MYSM1: variants seen among roughly 807,000 people sequenced by gnomAD.
The protein encoded by MYSM1 is deubiquitinase MYSM1.
Under a neutral mutation model 116.0 loss-of-function variants are expected in MYSM1, and 51 were observed. The ratio of observed to expected loss-of-function variants is 0.44; its 90% confidence interval spans 0.35 to 0.56. MYSM1 has a LOEUF of 0.56. Ranked by LOEUF, MYSM1 falls within the 20% of genes least tolerant of loss-of-function variation. The pLI, the probability that MYSM1 is intolerant of heterozygous loss-of-function variation, is 0.00. For synonymous variants in MYSM1, 313 were observed against 315.2 expected (o/e 0.99, Z 0.07); for missense variants, 900 against 974.9 (o/e 0.92, Z 1.02).
At position 58,655,921 on chromosome 1, in the gene MYSM1, C is replaced by G. The variant is rs1355834058; in HGVS notation, c.*4076G>C. On this transcript the variant is annotated 3_prime_UTR_variant, in exon 20 of 20. Transcript: ENST00000472487. ...AAAAAAAAAATAAAATTTGGGCACC[C>G]TTACTGAATTTCTACTGAGAATTCC... 1 of 152,108 alleles carries G rather than the reference C, an allele frequency of 6.6e-6. No homozygotes were observed. The highest frequency in any genetic ancestry group is 6.6e-5 in the Admixed American group (1 of 15,264). 9.4% of individuals were successfully genotyped at this position (152,108 alleles called of 1,614,324 possible). A position where few individuals can be genotyped will look rare whatever the true frequency, so the allele number is the denominator to read the frequency against.
In MYSM1 at chr1:58,699,988, G is replaced by T; in HGVS notation, c.65C>A (p.Pro22Gln). 1 of 1,613,466 alleles carries T rather than the reference G, an allele frequency of 6.2e-7. No homozygotes were observed. ...AGACCCGGTCTCTAAGCCTCACCCT[G>T]GCTGTGCCCCCGCCGCCGCTACCAC... ...GDVVAAAGAQ[P>Q]GSGENTASVL... Residue 22 changes from proline (P) to glutamine (Q), a missense_variant, in exon 1 of 20, where the codon CCA becomes CAA. Pro to Gln is a moderately conservative substitution (Grantham distance 76). Coordinates refer to ENST00000472487, the MANE Select transcript of MYSM1 (RefSeq NM_001085487.3).
At chr1:58,698,103 T>TATATATATATA (rs1491530995) in intron 1 of MYSM1, among the ~76,000 whole-genome samples, 6 of 16,694 alleles carry the variant, frequency 3.6e-4, no homozygotes, top group Admixed American at 7.2e-4. Flanking sequence ...TATATATATA[T>TATATATATATA]TTTTTTTTTT....
At chr1:58,671,609 G>A (rs373167740) in intron 12 of MYSM1, among the ~76,000 whole-genome samples, 1 of 152,126 alleles carries the variant, frequency 6.6e-6, no homozygotes, top group Non-Finnish European at 1.5e-5. Flanking sequence ...AGCGTCTAGA[G>A]TTGAATGACC....
intron 19 of MYSM1, among the ~76,000 whole-genome samples, 191 bp from the exon 20 acceptor site, chr1:58,660,346 G>C (rs78751975): frequency 0.023 from 3,460 of 152,148 alleles, 128 homozygotes; most frequent in African/African-American, 0.08. Context: ...TTGCTGCTGA[G>C]GAACACTCAG....
intron 6 of MYSM1, among the ~76,000 whole-genome samples, chr1:58,688,200 C>T (rs1209546946): frequency 1.3e-5 from 2 of 151,644 alleles, no homozygotes; most frequent in African/African-American, 4.8e-5. Context: ...ATACAGTATA[C>T]AGATCTCATG....
intron 7 of MYSM1, among the ~76,000 whole-genome samples, chr1:58,684,145 C>CA (rs1644790491): frequency 6.6e-6 from 1 of 152,120 alleles, no homozygotes; most frequent in Admixed American, 6.5e-5. Context: ...TATGTCTAGA[C>CA]AACACCGAAA....
chr1:58,667,253 T>C, intron 15 of MYSM1, 27 bp from the exon 16 acceptor site: 2 of 1,420,344 alleles, frequency 1.4e-6, no homozygotes, highest in Non-Finnish European at 1.9e-6. Flanking sequence ...CTCAAATGAT[T>C]ATACTAAAAT....
intron 9 of MYSM1, 114 bp from the exon 10 acceptor site, chr1:58,675,694 A>G: frequency 2.9e-6 from 2 of 696,836 alleles, no homozygotes; most frequent in South Asian, 1.8e-5. Flanking sequence ...TTATTTCACG[A>G]TCATACATTT....
chr1:58,690,493 G>T, intron 3 of MYSM1, 76 bp from the exon 4 acceptor site: 1 of 991,434 alleles, frequency 1.0e-6, no homozygotes, highest in Non-Finnish European at 1.5e-6. Flanking sequence ...CAAAACGTGT[G>T]CTACATAAAT....
intron 8 of MYSM1, among the ~76,000 whole-genome samples, chr1:58,679,648 A>G (rs540058371): frequency 6.6e-6 from 1 of 152,270 alleles, no homozygotes; most frequent in African/African-American, 2.4e-5. Context: ...TTGTAGGGAC[A>G]GGGTCTTGCT....
intron 2 of MYSM1, among the ~76,000 whole-genome samples, chr1:58,694,601 CAA>C (rs1435225934): frequency 6.7e-6 from 1 of 148,506 alleles, no homozygotes; most frequent in East Asian, 2.0e-4. Flanking sequence ...AGCCTGGCGA[CAA>C]AGAGACTGCA....
At chr1:58,664,026 T>A (rs1644432454) in intron 17 of MYSM1, among the ~76,000 whole-genome samples, 1 of 152,200 alleles carries the variant, frequency 6.6e-6, no homozygotes, top group African/African-American at 2.4e-5. Context: ...TTTTTGGTAG[T>A]TTCAGACAAG....
intron 6 of MYSM1, among the ~76,000 whole-genome samples, chr1:58,685,676 C>G (rs1026034426): frequency 2.6e-5 from 4 of 152,132 alleles, no homozygotes; most frequent in African/African-American, 9.7e-5. Flanking sequence ...CTCAGATTCC[C>G]TATTTTGCAA....
rs374389099 is a variant in MYSM1, at chr1:58,698,084, C to CTATATATATATATATATATATATATA, written c.68+1900_68+1901insTATATATATATATATATATATATATA. On this transcript the variant is annotated intron_variant, in intron 1 of 19. Coordinates refer to ENST00000472487, the MANE Select transcript of MYSM1 (RefSeq NM_001085487.3). ...ACACCACTGGACACTATTTATCAGA[C>CTATATATATATATATATATATATATA]TATATATATATATATATATTTTTTT... Among the ~76,000 whole-genome samples, 13 of 31,400 alleles carry CTATATATATATATATATATATATATA rather than the reference C, an allele frequency of 4.1e-4. 3 individuals are homozygous for CTATATATATATATATATATATATATA. Among genetic ancestry groups the CTATATATATATATATATATATATATA allele is most frequent in the African/African-American group, 8.9e-4 (7 of 7,856 alleles). The allele number at this position is 31,400 out of a possible 152,430, so 20.6% of individuals were successfully genotyped here.
chr1:58,670,524 A>G (rs1644544298), intron 12 of MYSM1, among the ~76,000 whole-genome samples: 1 of 152,216 alleles, frequency 6.6e-6, no homozygotes, highest in Non-Finnish European at 1.5e-5. Context: ...TAAGTAAAAT[A>G]ATGAGTTCAT....
intron 8 of MYSM1, among the ~76,000 whole-genome samples, chr1:58,679,543 C>T (rs1428643027): frequency 6.6e-6 from 1 of 152,190 alleles, no homozygotes; most frequent in Non-Finnish European, 1.5e-5. Flanking sequence ...ACTGCAGCTT[C>T]AAACTCCTGG....
intron 9 of MYSM1, among the ~76,000 whole-genome samples, chr1:58,675,955 A>G (rs952070695): frequency 6.6e-6 from 1 of 152,216 alleles, no homozygotes; most frequent in Non-Finnish European, 1.5e-5. Flanking sequence ...GGCAAACTAA[A>G]TTCTATCTAG....
Position 58,661,112 on chromosome 1 carries a change from A to C in MYSM1, c.2328+58T>G, listed in dbSNP as rs1362337417. 2.4e-6 allele frequency: 3 copies of C among 1,264,128 alleles called. No homozygotes were observed. The African/African-American group carries it at 4.4e-5, about 19-fold the overall frequency. 78.3% of individuals were successfully genotyped at this position (1,264,128 alleles called of 1,614,324 possible). On this transcript the variant is annotated intron_variant, in intron 19 of 19. Transcript: ENST00000472487. Reference sequence around the variant, plus strand: ...TTAGGCATCATGGGAAAACACATTGAGATGAATAGCTTCAGAATCTGTGAA... The same window carrying C: ...TTAGGCATCATGGGAAAACACATTGCGATGAATAGCTTCAGAATCTGTGAA...
intron 12 of MYSM1, among the ~76,000 whole-genome samples, chr1:58,669,835 C>A (rs1474740129): frequency 1.5e-4 from 1 of 6,602 alleles, no homozygotes; most frequent in Non-Finnish European, 3.8e-4. Flanking sequence ...GACCCTGTCT[C>A]CAAAAAAAAA....
Sources: gnomAD v4.1 joint callset for allele counts (sites outside exome capture counted in the v4.1 genomes callset) on GRCh38, gnomAD v4.1.1 for gene constraint, MANE v1.5 for transcripts, NCBI Gene and HGNC (gene_info 2026-07-23, HGNC 2026-07-21) for gene names.